The following AK9 variants were observed in gnomAD, a reference collection of about 807,000 sequenced individuals.
The protein encoded by AK9 is adenylate kinase 9.
Under a neutral mutation model 239.6 loss-of-function variants are expected in AK9, and 191 were observed. That is an observed-to-expected ratio of 0.80 (90% CI 0.71 to 0.90). The LOEUF (loss-of-function observed/expected upper bound fraction) is 0.90, where lower values mean the gene tolerates loss of function less well. Among genes scored for constraint, AK9 ranks in the 40% least tolerant of loss-of-function variants. The pLI is 0.00. For synonymous variants in AK9, 689 were observed against 721.0 expected (o/e 0.96, Z 0.71); for missense variants, 1,995 against 2,214.7 (o/e 0.90, Z 1.99).
rs1347567440 is a variant in AK9, at chr6:109,509,197, C to G, written c.4463G>C (p.Ser1488Thr). 1.3e-6 allele frequency: 2 copies of G among 1,552,246 alleles called. No homozygotes were observed. The highest frequency in any genetic ancestry group is 1.2e-5 in the South Asian group (1 of 84,056). ...IQALELSLMESVCNTAGVVID... is the reference protein window; with the variant it reads ...IQALELSLMETVCNTAGVVID... Reference sequence around the variant, plus strand: ...CACTTACCCTGCAGTATTGCACACACTTTCCATCAGAGAAAGTTCTAAGGC... The same window carrying G: ...CACTTACCCTGCAGTATTGCACACAGTTTCCATCAGAGAAAGTTCTAAGGC... The change falls in exon 33 of 41, where the codon AGT (serine) becomes ACT (threonine). Residue 1488 changes from serine (S) to threonine (T), a missense_variant. Coordinates refer to ENST00000424296, the MANE Select transcript of AK9 (RefSeq NM_001145128.3).
chr6:109,589,385 A>G (rs1789927157), intron 17 of AK9, among the ~76,000 whole-genome samples: 1 of 152,082 alleles, frequency 6.6e-6, no homozygotes, highest in African/African-American at 2.4e-5. Context: ...CTTGATTGTT[A>G]TTGGTGTACA....
intron 2 of AK9, 62 bp from the exon 3 acceptor site, chr6:109,674,323 C>G: frequency 8.3e-7 from 1 of 1,201,188 alleles, no homozygotes; most frequent in Non-Finnish European, 1.1e-6. Flanking sequence ...GACACAGATA[C>G]AGCAATTTTT....
Position 109,499,182 on chromosome 6 carries a change from C to G in AK9, c.4908G>C (p.Leu1636=). Residue 1636 remains leucine (L), a synonymous_variant, in exon 36 of 41, where the codon CTG becomes CTC. Transcript: ENST00000424296. The stretch of plus-strand genomic sequence containing the variant: ...CAGGGCAGAACTGTTCAAATTCTCC[C>G]AGGCGAGAAAGCAGCTCTTGAGGTG... ...CITPQELLSR[L]GEFEQFCPVS... is the part of the protein sequence containing the mutation. 6.3e-7 allele frequency: 1 copy of G among 1,593,654 alleles called. No individual in the cohort carries two copies. Among genetic ancestry groups the G allele is most frequent in the Non-Finnish European group, 8.6e-7 (1 of 1,169,144 alleles).
chr6:109,553,817 A>G (rs890093627), intron 24 of AK9, among the ~76,000 whole-genome samples: 1 of 152,220 alleles, frequency 6.6e-6, no homozygotes, highest in African/African-American at 2.4e-5. Context: ...TTGCCCATTC[A>G]ATATGATATT....
At position 109,529,298 on chromosome 6, in the gene AK9, G is replaced by A. The variant is rs79770367; in HGVS notation, c.3571-225C>T. ...TTCCAGAGGGATAAACAGCACTTGGGGTCAGTTACTCTTTCCACAAAGTTT... is the reference window on the plus strand; with the variant it reads ...TTCCAGAGGGATAAACAGCACTTGGAGTCAGTTACTCTTTCCACAAAGTTT... On this transcript the variant is annotated intron_variant, in intron 28 of 40. Transcript: ENST00000424296. 2.8e-3 allele frequency among the ~76,000 whole-genome samples: 421 copies of A among 152,160 alleles called. 1 individual carries two copies. Among genetic ancestry groups the A allele is most frequent in the African/African-American group, 9.7e-3 (402 of 41,504 alleles).
At chr6:109,547,168 A>C (rs1783673333) in intron 25 of AK9, among the ~76,000 whole-genome samples, 1 of 152,198 alleles carries the variant, frequency 6.6e-6, no homozygotes, top group Non-Finnish European at 1.5e-5. Flanking sequence ...ACAACCATCC[A>C]CATACTTCAG....
chr6:109,611,500 A>C (rs976059157), intron 16 of AK9, among the ~76,000 whole-genome samples: 2 of 152,240 alleles, frequency 1.3e-5, no homozygotes, highest in South Asian at 2.1e-4. Flanking sequence ...GAAAAACTAT[A>C]TCTCTCAACT....
chr6:109,668,984 G>C (rs1408023848), intron 5 of AK9, among the ~76,000 whole-genome samples: 2 of 139,882 alleles, frequency 1.4e-5, no homozygotes, highest in East Asian at 4.6e-4. Context: ...AATTACCTTG[G>C]GCAGTATGGC....
chr6:109,689,192 T>TAA (rs1305218056), intron 1 of AK9, among the ~76,000 whole-genome samples: 1 of 152,196 alleles, frequency 6.6e-6, no homozygotes, highest in African/African-American at 2.4e-5. Context: ...CATTAATCTT[T>TAA]TTTTTTGTAA....
At position 109,585,227 on chromosome 6, in the gene AK9, T is replaced by C. The variant is rs548439020; in HGVS notation, c.2010A>G (p.Leu670=). ...LSDTENNGKC[L]FNRIYLQKKS... ...TCTTCTGTAAATATATTCTATTAAA[T>C]AAACATTTTCCTGAAATACAGATAA... is the stretch of plus-strand genomic sequence containing the variant. The change falls in exon 19 of 41, where the codon TTA becomes TTG. Residue 670 remains leucine (L), a synonymous_variant. Transcript: ENST00000424296. The C allele has an allele frequency of 2.5e-5, 22 of 883,308 alleles. No individual in the cohort carries two copies. In the African/African-American group the frequency reaches 3.0e-4, roughly 12 times the overall value. 54.7% of individuals were successfully genotyped at this position (883,308 alleles called of 1,614,324 possible).
intron 17 of AK9, among the ~76,000 whole-genome samples, chr6:109,595,131 A>G (rs1293378104): frequency 6.6e-6 from 1 of 152,272 alleles, no homozygotes; most frequent in Non-Finnish European, 1.5e-5. Flanking sequence ...GCTAATATCC[A>G]GAATCTACAA....
At chr6:109,501,785 T>C (rs1777628864) in intron 35 of AK9, among the ~76,000 whole-genome samples, 1 of 152,188 alleles carries the variant, frequency 6.6e-6, no homozygotes, top group South Asian at 2.1e-4. Flanking sequence ...CATGAATGAA[T>C]CCTGACCATA....
intron 27 of AK9, among the ~76,000 whole-genome samples, chr6:109,536,207 A>G (rs1461438989): frequency 6.6e-6 from 1 of 152,098 alleles, no homozygotes. Context: ...CAATATGGCC[A>G]TTTTCATGAT....
At chr6:109,548,521 G>A (rs1331526933) in intron 25 of AK9, among the ~76,000 whole-genome samples, 2 of 152,146 alleles carry the variant, frequency 1.3e-5, no homozygotes, top group Non-Finnish European at 2.9e-5. Flanking sequence ...ACAAGACAAT[G>A]TTGAAGATGA....
At chr6:109,647,462 G>T (rs767255894) in intron 8 of AK9, among the ~76,000 whole-genome samples, 51 of 152,164 alleles carry the variant, frequency 3.4e-4, no homozygotes, top group Non-Finnish European at 5.4e-4. Context: ...AAACAGACTT[G>T]AAACCAACAA....
At chr6:109,644,859 C>T (rs1797847128) in intron 8 of AK9, among the ~76,000 whole-genome samples, 171 bp from the exon 9 acceptor site, 1 of 152,180 alleles carries the variant, frequency 6.6e-6, no homozygotes, top group Non-Finnish European at 1.5e-5. Flanking sequence ...AAAGCTCAAA[C>T]TAATCTTCTC....
At chr6:109,610,272 A>C in intron 17 of AK9, 93 bp downstream of exon 17, 1 of 1,424,344 alleles carries the variant, frequency 7.0e-7, no homozygotes, top group Non-Finnish European at 9.5e-7. Context: ...TTTCAACATC[A>C]TAAGACTCTA....
chr6:109,674,803 C>T (rs967979406), intron 2 of AK9, among the ~76,000 whole-genome samples: 7 of 152,228 alleles, frequency 4.6e-5, no homozygotes, highest in Middle Eastern at 3.4e-3. Context: ...TTTTTAGAAA[C>T]ATAGTGAAAG....
intron 35 of AK9, among the ~76,000 whole-genome samples, chr6:109,505,874 TCA>T (rs1172102283): frequency 6.6e-6 from 1 of 152,140 alleles, no homozygotes; most frequent in Non-Finnish European, 1.5e-5. Flanking sequence ...GATTTATTGC[TCA>T]CAGTTTTGGA....
Sources: allele counts gnomAD v4.1 joint callset (sites outside exome capture counted in the v4.1 genomes callset), GRCh38; gene constraint gnomAD v4.1.1; transcripts MANE v1.5; gene names NCBI Gene and HGNC (gene_info 2026-07-23, HGNC 2026-07-21).